Variants in TLK1 observed in about 807,000 individuals in gnomAD.
TLK1 encodes tousled like kinase 1, also known as serine/threonine-protein kinase tousled-like 1.
A neutral mutation model predicts 105.3 loss-of-function variants in TLK1; 24 were observed. The ratio of observed to expected loss-of-function variants is 0.23; its 90% CI spans 0.17 to 0.32. TLK1 has a LOEUF of 0.32. TLK1 is among the 10% of genes least tolerant of loss of function. The pLI is 1.00. For missense variants in TLK1, 558 were observed against 910.5 expected (o/e 0.61, Z 4.98); for synonymous variants, 321 against 310.4 (o/e 1.03, Z -0.36).
chr2:171,101,611 T>A (rs960567404), intron 2 of TLK1, among the ~76,000 whole-genome samples: 3 of 152,230 alleles, frequency 2.0e-5, no homozygotes, highest in Non-Finnish European at 4.4e-5. Context: ...ATATGTTAAA[T>A]GAGTCATTTT....
At chr2:171,093,018 C>A (rs1192661468) in intron 2 of TLK1, among the ~76,000 whole-genome samples, 5 of 152,138 alleles carry the variant, frequency 3.3e-5, no homozygotes, top group Non-Finnish European at 5.9e-5. Context: ...ACTCTAAATG[C>A]AATTCAAAAT....
At chr2:171,130,995 A>G (rs530969777) in intron 1 of TLK1, among the ~76,000 whole-genome samples, 2 of 148,174 alleles carry the variant, frequency 1.3e-5, no homozygotes, top group African/African-American at 2.5e-5. Context: ...TAAGATTCTA[A>G]TAATAATTTC....
chr2:171,072,708 C>T (rs1429231480), intron 3 of TLK1, among the ~76,000 whole-genome samples: 1 of 152,082 alleles, frequency 6.6e-6, no homozygotes, highest in Admixed American at 6.6e-5. Context: ...GCGGAGGGTG[C>T]AGTGAGCTGA....
chr2:171,075,892 T>C (rs1234018829), intron 3 of TLK1, among the ~76,000 whole-genome samples: 1 of 152,126 alleles, frequency 6.6e-6, no homozygotes, highest in Non-Finnish European at 1.5e-5. Context: ...GAAGTTCACG[T>C]AGAAACTTAC....
At chr2:171,175,637 C>T (rs902251947) in intron 1 of TLK1, among the ~76,000 whole-genome samples, 3 of 152,158 alleles carry the variant, frequency 2.0e-5, no homozygotes, top group Admixed American at 1.3e-4. Context: ...ATCTGTAACA[C>T]ACTTCATCAT....
intron 2 of TLK1, among the ~76,000 whole-genome samples, chr2:171,106,545 T>C (rs908545668): frequency 1.3e-5 from 2 of 152,232 alleles, no homozygotes; most frequent in Non-Finnish European, 2.9e-5. Context: ...TTGTGCTTAC[T>C]TCCTTGCTGC....
intron 20 of TLK1, 128 bp downstream of exon 20, chr2:170,996,525 C>T: frequency 1.7e-6 from 1 of 585,356 alleles, no homozygotes. Context: ...ATCACCAGCC[C>T]CTGCTGGACA....
intron 2 of TLK1, among the ~76,000 whole-genome samples, chr2:171,115,076 T>C (rs1575605375): frequency 6.6e-6 from 1 of 151,980 alleles, no homozygotes; most frequent in Non-Finnish European, 1.5e-5. Flanking sequence ...GATGGTGCAA[T>C]AGTAAAATAA....
chr2:171,083,597 C>G (rs2105478488), intron 2 of TLK1, among the ~76,000 whole-genome samples: 1 of 152,250 alleles, frequency 6.6e-6, no homozygotes, highest in African/African-American at 2.4e-5. Flanking sequence ...GCATATATGT[C>G]AAAGATGATG....
intron 10 of TLK1, 124 bp from the exon 11 acceptor site, chr2:171,046,486 C>G (rs1400233928): frequency 9.4e-7 from 1 of 1,064,326 alleles, no homozygotes; most frequent in Non-Finnish European, 1.3e-6. Context: ...TTTGGTTCCA[C>G]TCTTGTGAAC....
At chr2:170,996,567 A>T in intron 20 of TLK1, 86 bp downstream of exon 20, 1 of 1,080,956 alleles carries the variant, frequency 9.3e-7, no homozygotes, top group Non-Finnish European at 1.4e-6. Context: ...TTGTGACTTT[A>T]CTTACTGGAA....
At position 170,992,600 on chromosome 2, in the gene TLK1, G is replaced by C. The variant is rs1250523857; in HGVS notation, c.*1180C>G. 6.6e-6 allele frequency: 1 copy of C among 152,504 alleles called. No individual in the cohort carries two copies. The highest frequency in any genetic ancestry group is 2.4e-5 in the African/African-American group (1 of 41,408). 9.4% of individuals were successfully genotyped at this position (152,504 alleles called of 1,614,324 possible). A position where few individuals can be genotyped will look rare whatever the true frequency, so the allele number is the denominator to read the frequency against. ...AAATCTAGTATCTATGTGTTCTACA[G>C]CCCTAGAACCCAATAAACTGATTTA... On this transcript the variant is annotated 3_prime_UTR_variant, in exon 21 of 21. Transcript: ENST00000431350.
At chr2:171,086,471 C>CA (rs1287987546) in intron 2 of TLK1, among the ~76,000 whole-genome samples, 3 of 151,910 alleles carry the variant, frequency 2.0e-5, no homozygotes, top group East Asian at 1.9e-4. Flanking sequence ...ACTAAAAATA[C>CA]AAAAAACAGC....
At chr2:171,211,682 T>C (rs1228826515) in intron 1 of TLK1, among the ~76,000 whole-genome samples, 1 of 152,088 alleles carries the variant, frequency 6.6e-6, no homozygotes, top group Non-Finnish European at 1.5e-5. Context: ...CCTGAATAGC[T>C]GGGATTACAG....
At chr2:171,182,931 A>AGAAAGAAAGAAAGAAAGAAAGAAAG (rs1692952001) in intron 1 of TLK1, among the ~76,000 whole-genome samples, 1 of 111,894 alleles carries the variant, frequency 8.9e-6, no homozygotes, top group African/African-American at 6.0e-5. Flanking sequence ...CCAAAAAAAA[A>AGAAAGAAAGAAAGAAAGAAAGAAAG]AAAAAAAGAA....
intron 3 of TLK1, among the ~76,000 whole-genome samples, chr2:171,074,872 A>T (rs756141279): frequency 6.6e-6 from 1 of 152,066 alleles, no homozygotes; most frequent in Non-Finnish European, 1.5e-5. Context: ...TAAGGAGGAG[A>T]ACAGATTTAA....
In TLK1 at chr2:171,072,316, T is replaced by C. The variant is rs918772595; in HGVS notation, c.330+10465A>G. Among the ~76,000 whole-genome samples, 12 of 152,318 alleles carry C rather than the reference T, an allele frequency of 7.9e-5. No individual in the cohort carries two copies. In the South Asian group the frequency reaches 1.7e-3, roughly 21 times the overall value. On this transcript the variant is annotated intron_variant, in intron 3 of 20. Transcript: ENST00000431350. ...TTTATTGTAGAGATATTTTACTACT[T>C]TGAGTAATGTCTAAAAGCTGGGTGC...
At chr2:171,050,265 G>A (rs62168994) in intron 8 of TLK1, 91 bp from the exon 9 acceptor site, 38,260 of 791,862 alleles carry the variant, frequency 0.048, 1,139 homozygotes, top group Middle Eastern at 0.066. Context: ...ATTATATACA[G>A]ATAGGACTAA....
intron 4 of TLK1, among the ~76,000 whole-genome samples, chr2:171,060,737 T>A (rs1687712790): frequency 6.6e-6 from 1 of 152,186 alleles, no homozygotes; most frequent in Admixed American, 6.5e-5. Context: ...GCCTTTTTTT[T>A]AAATAAATGG....
Sources: allele counts gnomAD v4.1 joint callset (sites outside exome capture counted in the v4.1 genomes callset), GRCh38; gene constraint gnomAD v4.1.1; transcripts MANE v1.5; gene names NCBI Gene and HGNC (gene_info 2026-07-23, HGNC 2026-07-21).